TMEM272: variants seen among roughly 807,000 people sequenced by gnomAD.
The protein encoded by TMEM272 is transmembrane protein 272, also known as long intergenic non-protein coding RNA 282.
Under a neutral mutation model 3.7 loss-of-function variants are expected in TMEM272, and 8 were observed. The observed-to-expected ratio is 2.17, with a 90% CI of 1.27 to 3.91. The LOEUF (loss-of-function observed/expected upper bound fraction) is 3.91, where lower values mean the gene tolerates loss of function less well. Among genes scored for constraint, TMEM272 ranks in the 30% most tolerant of loss-of-function variants. The pLI is 0.00. For missense variants in TMEM272, 166 were observed against 91.5 expected (o/e 1.81, Z -3.32); for synonymous variants, 63 against 39.8 (o/e 1.58, Z -2.20).
chr13:51,869,588 C>T, the TMEM272 span, among the ~76,000 whole-genome samples: 1 of 151,336 alleles, frequency 6.6e-6, no homozygotes, highest in South Asian at 2.1e-4. Flanking sequence ...TTCCAGAGTT[C>T]AAGGGATTCT....
At chr13:51,850,804 T>TAAC in the TMEM272 span, among the ~76,000 whole-genome samples, 1 of 152,370 alleles carries the variant, frequency 6.6e-6, no homozygotes, top group South Asian at 2.1e-4. Flanking sequence ...CTAACATTAT[T>TAAC]AACGTATTTA....
At chr13:51,903,835 C>G in the TMEM272 span, among the ~76,000 whole-genome samples, 1 of 152,044 alleles carries the variant, frequency 6.6e-6, no homozygotes, top group Non-Finnish European at 1.5e-5. Flanking sequence ...AAAAGAGAAC[C>G]ATATAGGGTC....
At chr13:51,874,554 TC>T in the TMEM272 span, among the ~76,000 whole-genome samples, 1 of 152,002 alleles carries the variant, frequency 6.6e-6, no homozygotes. Context: ...TCCTGCCCCT[TC>T]CCAATGAGGA....
At chr13:51,875,557 TG>T in the TMEM272 span, among the ~76,000 whole-genome samples, 2 of 152,196 alleles carry the variant, frequency 1.3e-5, no homozygotes, top group Non-Finnish European at 2.9e-5. Flanking sequence ...GATATTCTGA[TG>T]ACAGTTCCTT....
the TMEM272 span, among the ~76,000 whole-genome samples, chr13:51,916,420 G>A: frequency 6.6e-6 from 1 of 152,194 alleles, no homozygotes; most frequent in Non-Finnish European, 1.5e-5. Context: ...GATATGTAAA[G>A]GGTTTCTATG....
At chr13:51,858,269 C>T in the TMEM272 span, among the ~76,000 whole-genome samples, 3 of 152,100 alleles carry the variant, frequency 2.0e-5, no homozygotes, top group Non-Finnish European at 4.4e-5. Context: ...AACACTGCAT[C>T]AAGCAACTGA....
At chr13:51,883,520 T>C in the TMEM272 span, among the ~76,000 whole-genome samples, 1 of 152,180 alleles carries the variant, frequency 6.6e-6, no homozygotes, top group African/African-American at 2.4e-5. Context: ...CTGGGGTTTT[T>C]ATGGGCTTAG....
At chr13:51,826,485 A>C (rs1224902328) in intron 3 of TMEM272, 81 bp downstream of exon 3, 3 of 692,710 alleles carry the variant, frequency 4.3e-6, no homozygotes. Context: ...ACACATATTT[A>C]ATGTTTAAAG....
the TMEM272 span, among the ~76,000 whole-genome samples, chr13:51,852,812 A>G: frequency 6.6e-6 from 1 of 150,900 alleles, no homozygotes; most frequent in Non-Finnish European, 1.5e-5. Flanking sequence ...CCAGGAGGTG[A>G]AGGATGCAGT....
At chr13:51,870,776 C>T in the TMEM272 span, among the ~76,000 whole-genome samples, 1 of 152,162 alleles carries the variant, frequency 6.6e-6, no homozygotes, top group African/African-American at 2.4e-5. Context: ...ATTAGCAGGC[C>T]AGGTGCTTCC....
At chr13:51,908,981 C>G in the TMEM272 span, 123 of 1,428,218 alleles carry the variant, frequency 8.6e-5, 2 homozygotes, top group Middle Eastern at 5.4e-4. Flanking sequence ...CCCCTGGAAG[C>G]AAAGGTGAGA....
At chr13:51,866,511 G>A in the TMEM272 span, among the ~76,000 whole-genome samples, 6 of 152,338 alleles carry the variant, frequency 3.9e-5, no homozygotes, top group African/African-American at 1.4e-4. Context: ...ACTTGGGGCA[G>A]TCTTGGAGGC....
the TMEM272 span, among the ~76,000 whole-genome samples, chr13:51,897,898 G>A: frequency 7.2e-5 from 10 of 138,784 alleles, no homozygotes; most frequent in Non-Finnish European, 1.4e-4. Flanking sequence ...TTGCACTACA[G>A]CCTGGGTGAC....
At chr13:51,830,793 C>T (rs922536412) in intron 2 of TMEM272, among the ~76,000 whole-genome samples, 5 of 152,138 alleles carry the variant, frequency 3.3e-5, no homozygotes, top group East Asian at 1.9e-4. Context: ...CAAGTGGATG[C>T]GGCCTTACTC....
chr13:51,907,691 G>A, the TMEM272 span, among the ~76,000 whole-genome samples: 1 of 152,120 alleles, frequency 6.6e-6, no homozygotes, highest in Non-Finnish European at 1.5e-5. Flanking sequence ...CTCCCTATTC[G>A]GTGCTGCATG....
the TMEM272 span, among the ~76,000 whole-genome samples, chr13:51,866,708 T>C: frequency 6.6e-6 from 1 of 152,136 alleles, no homozygotes; most frequent in Non-Finnish European, 1.5e-5. Flanking sequence ...AATGGGGCCT[T>C]GGCGTGGGGG....
At chr13:51,875,834 A>G in the TMEM272 span, among the ~76,000 whole-genome samples, 3 of 152,172 alleles carry the variant, frequency 2.0e-5, no homozygotes, top group African/African-American at 7.2e-5. Context: ...GCCTCCAGGT[A>G]TGAGACCTGT....
At chr13:51,871,579 G>A in the TMEM272 span, among the ~76,000 whole-genome samples, 2,380 of 152,156 alleles carry the variant, frequency 0.016, 65 homozygotes, top group African/African-American at 0.054. Flanking sequence ...AGGAATGTCA[G>A]TGAGCCACTT....
At chr13:51,843,979 A>G (rs1209552811) in intron 1 of TMEM272, among the ~76,000 whole-genome samples, 3 of 152,226 alleles carry the variant, frequency 2.0e-5, no homozygotes, top group African/African-American at 7.2e-5. Context: ...CATTTTTAAT[A>G]GTCATGGCTG....
Sources: gnomAD v4.1 joint callset for allele counts (sites outside exome capture counted in the v4.1 genomes callset) on GRCh38, gnomAD v4.1.1 for gene constraint, MANE v1.5 for transcripts, NCBI Gene and HGNC (gene_info 2026-07-23, HGNC 2026-07-21) for gene names.